SERAC1: variants seen among roughly 807,000 people sequenced by gnomAD.
SERAC1 encodes the protein protein SERAC1.
SERAC1 carries 36 observed loss-of-function variants against 85.7 expected under a neutral mutation model. The ratio of observed to expected loss-of-function variants is 0.42; its 90% CI spans 0.32 to 0.55. The LOEUF is 0.55. Among genes scored for constraint, SERAC1 ranks in the 20% least tolerant of loss-of-function variants. The probability of loss-of-function intolerance (pLI) is 0.11; values close to 1 mark genes in which losing one functional copy is unlikely to be tolerated. For synonymous variants in SERAC1, 242 were observed against 265.3 expected (o/e 0.91, Z 0.85); for missense variants, 629 against 796.2 (o/e 0.79, Z 2.53).
In SERAC1 at chr6:158,144,114, G is replaced by C. The variant is rs111609747; in HGVS notation, c.609+185C>G. ...CCAAAGGCAGAAAATAATATAGAAG[G>C]AACAGCCCCTCCTGAGGAACCAAAT... On this transcript the variant is annotated intron_variant, in intron 7 of 16. Coordinates refer to ENST00000647468, the MANE Select transcript of SERAC1 (RefSeq NM_032861.4). Among the ~76,000 whole-genome samples, 203 of 152,026 alleles carry C rather than the reference G, an allele frequency of 1.3e-3. 1 individual carries two copies. Among genetic ancestry groups the C allele is most frequent in the African/African-American group, 4.7e-3 (195 of 41,458 alleles).
chr6:158,132,107 C>T (rs1425211097), intron 8 of SERAC1, among the ~76,000 whole-genome samples: 1 of 152,046 alleles, frequency 6.6e-6, no homozygotes, highest in Non-Finnish European at 1.5e-5. Context: ...CACTTTGGAG[C>T]TAGGGTCATA....
chr6:158,142,481 C>CT (rs797011235), intron 8 of SERAC1, among the ~76,000 whole-genome samples: 4,034 of 139,274 alleles, frequency 0.029, 61 homozygotes, highest in Non-Finnish European at 0.035. Context: ...CCTATTCATT[C>CT]TTTTTTTTTT....
intron 5 of SERAC1, among the ~76,000 whole-genome samples, chr6:158,147,484 G>A (rs1359617859): frequency 6.6e-6 from 1 of 151,716 alleles, no homozygotes; most frequent in Non-Finnish European, 1.5e-5. Flanking sequence ...ACATAGGCTG[G>A]GCGAGGTGGC....
intron 6 of SERAC1, 110 bp from the exon 7 acceptor site, chr6:158,144,530 A>G: frequency 9.5e-7 from 1 of 1,048,060 alleles, no homozygotes; most frequent in Non-Finnish European, 1.4e-6. Flanking sequence ...CTGCTCTGCA[A>G]ATTTGTAATC....
At chr6:158,111,646 G>T (rs1207462040) in intron 16 of SERAC1, 144 bp from the exon 17 acceptor site, 2 of 561,392 alleles carry the variant, frequency 3.6e-6, no homozygotes, top group Non-Finnish European at 6.0e-6. Flanking sequence ...CCTGAAGTTT[G>T]ATTGCAGCTA....
At position 158,120,330 on chromosome 6, in the gene SERAC1, A is replaced by T. The variant is rs1364536174; in HGVS notation, c.1166+95T>A. ...AGATATTTGACTTATAAGTTATTTA[A>T]CTTATCTGAATTATGCAGAAATAAG... On this transcript the variant is annotated intron_variant, in intron 11 of 16. Transcript: ENST00000647468. The surrounding 1 kb of genome is among the most constrained non-coding windows in gnomAD (Gnocchi z 4.4). 1 of 1,256,354 alleles carries T rather than the reference A, an allele frequency of 8.0e-7. No individual in the cohort carries two copies. The highest frequency in any genetic ancestry group is 1.1e-6 in the Non-Finnish European group (1 of 922,676). 77.8% of individuals were successfully genotyped at this position (1,256,354 alleles called of 1,614,324 possible). A position where few individuals can be genotyped will look rare whatever the true frequency, so the allele number is the denominator to read the frequency against.
At chr6:158,149,341 T>A (rs1785150947) in intron 4 of SERAC1, among the ~76,000 whole-genome samples, 1 of 152,220 alleles carries the variant, frequency 6.6e-6, no homozygotes, top group Non-Finnish European at 1.5e-5. Flanking sequence ...GAGATATGTA[T>A]AAACTCCATA....
In SERAC1 at chr6:158,117,188, CTG is replaced by C. The variant is rs1044209319; in HGVS notation, c.1403+537_1403+538del. The C allele has an allele frequency of 4.8e-5, 12 of 250,442 alleles. No homozygotes were observed. Among genetic ancestry groups the C allele is most frequent in the African/African-American group, 2.7e-4 (12 of 44,882 alleles). 15.5% of individuals were successfully genotyped at this position (250,442 alleles called of 1,614,324 possible). On this transcript the variant is annotated intron_variant, in intron 13 of 16. Coordinates refer to ENST00000647468, the MANE Select transcript of SERAC1 (RefSeq NM_032861.4). This position sits in a 1 kb window ranked among gnomAD's most constrained non-coding sequence, Gnocchi z 4.3. ...TTGATAACACTGATTTAGACCAACT[CTG>C]TCAATCTGTAGACAAAGCTTCCCGG...
rs147227989 is a variant in SERAC1 at position 158,122,519 on chromosome 6, T to C, written c.1016-1944A>G. ...ACAATGGGCCAGGCGTGGTGTTTCATGCCTGTAATCCCAACACTTTGGGAG... is the reference window on the plus strand; with the variant it reads ...ACAATGGGCCAGGCGTGGTGTTTCACGCCTGTAATCCCAACACTTTGGGAG... On this transcript the variant is annotated intron_variant, in intron 10 of 16. Transcript: ENST00000647468. Among the ~76,000 whole-genome samples, 594 of 152,278 alleles carry C rather than the reference T, an allele frequency of 3.9e-3. 6 individuals carry two copies. The highest frequency in any genetic ancestry group is 0.014 in the African/African-American group (569 of 41,542).
At chr6:158,121,626 C>A (rs1784423997) in intron 10 of SERAC1, among the ~76,000 whole-genome samples, 1 of 152,072 alleles carries the variant, frequency 6.6e-6, no homozygotes, top group Admixed American at 6.5e-5. Flanking sequence ...ATTTAATAAC[C>A]TAAAAGAAGC....
At chr6:158,115,840 C>T (rs550427696) in intron 14 of SERAC1, among the ~76,000 whole-genome samples, 2 of 152,232 alleles carry the variant, frequency 1.3e-5, no homozygotes, top group African/African-American at 2.4e-5. Flanking sequence ...AAAGGGGCAC[C>T]CCTGGGGCCA....
chr6:158,158,214 T>C (rs921752432), intron 2 of SERAC1, 59 bp downstream of exon 2: 6 of 1,293,960 alleles, frequency 4.6e-6, no homozygotes, highest in African/African-American at 4.5e-5. Flanking sequence ...ATCTTAGAAA[T>C]GGCCACAATT....
At chr6:158,133,852 G>C (rs1784736183) in intron 8 of SERAC1, among the ~76,000 whole-genome samples, 1 of 150,894 alleles carries the variant, frequency 6.6e-6, no homozygotes, top group African/African-American at 2.4e-5. Flanking sequence ...AACTTGGATG[G>C]AAAAAAAAAT....
chr6:158,142,201 C>T (rs1172835416), intron 8 of SERAC1, among the ~76,000 whole-genome samples: 4 of 151,844 alleles, frequency 2.6e-5, no homozygotes, highest in Non-Finnish European at 5.9e-5. Flanking sequence ...CATGCTGTTG[C>T]CCAGGCTGGA....
chr6:158,116,489 C>T (rs1295283100), intron 13 of SERAC1: 3 of 519,532 alleles, frequency 5.8e-6, no homozygotes, highest in Non-Finnish European at 1.0e-5. Flanking sequence ...CCTCCCACCT[C>T]GGCCTCCCAA....
intron 8 of SERAC1, among the ~76,000 whole-genome samples, chr6:158,132,800 T>A (rs557511303): frequency 1.9e-4 from 29 of 152,330 alleles, no homozygotes; most frequent in Non-Finnish European, 3.2e-4. Flanking sequence ...AGTATGGTTG[T>A]ATGGATTATA....
rs143979546 is a variant in SERAC1 at position 158,149,148 on chromosome 6, C to T, written c.266-194G>A. 7.0e-3 allele frequency among the ~76,000 whole-genome samples: 1,071 copies of T among 152,240 alleles called. 11 individuals are homozygous for T. The highest frequency in any genetic ancestry group is 0.024 in the African/African-American group (1,015 of 41,534). ...CTGGGACTACAGGCCCTCGCCACCA[C>T]GCCTGGCTAATTTTTTTGTATTTTT... On this transcript the variant is annotated intron_variant, in intron 4 of 16. Coordinates refer to ENST00000647468, the MANE Select transcript of SERAC1 (RefSeq NM_032861.4).
chr6:158,150,558 C>G lies in SERAC1; in HGVS notation c.160G>C (p.Ala54Pro), dbSNP rs756658838. 16 of 1,600,352 alleles carry G rather than the reference C, an allele frequency of 1.0e-5. No homozygotes were observed. Among genetic ancestry groups the G allele is most frequent in the Non-Finnish European group, 4.3e-6 (5 of 1,169,932 alleles). Residue 54 changes from alanine (A) to proline (P), a missense_variant, in exon 4 of 17, where the codon GCC becomes CCC. Transcript: ENST00000647468. ...TCTAATGTCACAGCCTTCTTCAGGG[C>G]CAGAACTTCATATGTAAGAAATAAA... ...GSLFLTYEVLALKKAVTLDTQ... is the reference protein window; with the variant it reads ...GSLFLTYEVLPLKKAVTLDTQ...
intron 13 of SERAC1, chr6:158,116,518 A>G: frequency 2.2e-6 from 1 of 458,798 alleles, no homozygotes. Flanking sequence ...GATTATAGGC[A>G]TGAGCCACCA....
Sources: gnomAD v4.1 joint callset for allele counts (sites outside exome capture counted in the v4.1 genomes callset) on GRCh38, gnomAD v4.1.1 for gene constraint, Gnocchi (gnomAD v3.1) non-coding constraint, MANE v1.5 for transcripts, NCBI Gene and HGNC (gene_info 2026-07-23, HGNC 2026-07-21) for gene names.